FAF1: variants seen among roughly 807,000 people sequenced by gnomAD.
The protein encoded by FAF1 is FAS-associated factor 1.
In FAF1, 25 loss-of-function variants were observed where a neutral mutation model predicts 92.5. The observed-to-expected ratio is 0.27, with a 90% CI of 0.20 to 0.38. FAF1 has a LOEUF of 0.38. Among genes scored for constraint, FAF1 ranks in the 10% least tolerant of loss-of-function variants. FAF1 has a pLI of 1.00. For synonymous variants in FAF1, 234 were observed against 273.2 expected, an observed-to-expected ratio of 0.86 and a Z score of 1.42; for missense variants, 636 against 793.3, an observed-to-expected ratio of 0.80 and a Z score of 2.38.
At chr1:50,594,104 G>A (rs1651668883) in intron 9 of FAF1, among the ~76,000 whole-genome samples, 1 of 151,992 alleles carries the variant, frequency 6.6e-6, no homozygotes, top group Non-Finnish European at 1.5e-5. Flanking sequence ...TTTGAGGTCA[G>A]GAGTTCAAGA....
chr1:50,866,076 TAAAC>T (rs1316967316), intron 1 of FAF1, among the ~76,000 whole-genome samples: 1 of 151,944 alleles, frequency 6.6e-6, no homozygotes, highest in East Asian at 1.9e-4. Flanking sequence ...ATACACCACA[TAAAC>T]AAAATTAAAA....
At chr1:50,717,819 T>G (rs757212464) in intron 6 of FAF1, among the ~76,000 whole-genome samples, 1 of 152,126 alleles carries the variant, frequency 6.6e-6, no homozygotes, top group African/African-American at 2.4e-5. Context: ...CTGCGCAACA[T>G]AGCAAGACCT....
chr1:50,921,773 C>T (rs950382420), intron 1 of FAF1, among the ~76,000 whole-genome samples: 1 of 151,576 alleles, frequency 6.6e-6, no homozygotes, highest in Non-Finnish European at 1.5e-5. Context: ...AGAGCAAAGA[C>T]CTTGTTTCAA....
rs1356968118 is a variant in FAF1 at position 50,438,282 on chromosome 1, CAG to C, written c.*3156_*3157del. 2 of 152,134 alleles carry C rather than the reference CAG, an allele frequency of 1.3e-5. No individual in the cohort carries two copies. The highest frequency in any genetic ancestry group is 4.8e-5 in the African/African-American group (2 of 41,412). The allele number at this position is 152,134 out of a possible 1,614,324, so 9.4% of individuals were successfully genotyped here. On this transcript the variant is annotated 3_prime_UTR_variant, in exon 19 of 19. Coordinates refer to ENST00000396153, the MANE Select transcript of FAF1 (RefSeq NM_007051.3). ...AGAATGTTGTAAGGACACTGAGGTT[CAG>C]AGAGGTTACTTACCTTAAGGTCACG...
At chr1:50,836,175 T>TTTGTTTTTTTG (rs1462069811) in intron 2 of FAF1, among the ~76,000 whole-genome samples, 4 of 139,842 alleles carry the variant, frequency 2.9e-5, no homozygotes, top group South Asian at 2.3e-4. Flanking sequence ...TTTCTGTTTT[T>TTTGTTTTTTTG]TTTTTTTTTT....
chr1:50,959,892 ACCG>A lies in FAF1; in HGVS notation c.-84_-82del, dbSNP rs532415159. 0.067 allele frequency: 60,816 copies of A among 907,122 alleles called. 3,041 individuals carry two copies. The highest frequency in any genetic ancestry group is 0.076 in the Non-Finnish European group (53,663 of 702,996). The allele number at this position is 907,122 out of a possible 1,614,324, so 56.2% of individuals were successfully genotyped here. On this transcript the variant is annotated 5_prime_UTR_variant, in exon 1 of 19. Transcript: ENST00000396153. Reference sequence around the variant, plus strand: ...GGCACCTCCTGCGACCGTCGCCGCCACCGCCGCCGCCGCCGCCGGGCGCCGAGG... The same window carrying A: ...GGCACCTCCTGCGACCGTCGCCGCCACCGCCGCCGCCGCCGGGCGCCGAGG...
At chr1:50,442,536 C>G (rs1646181490) in intron 18 of FAF1, among the ~76,000 whole-genome samples, 1 of 152,194 alleles carries the variant, frequency 6.6e-6, no homozygotes, top group South Asian at 2.1e-4. Flanking sequence ...ATGGTGGACA[C>G]ACAGATAAAT....
chr1:50,629,264 C>T lies in FAF1; in HGVS notation c.744+26178G>A, dbSNP rs577750823. Among the ~76,000 whole-genome samples, 361 of 151,330 alleles carry T rather than the reference C, an allele frequency of 2.4e-3. 1 individual carries two copies. The highest frequency in any genetic ancestry group is 8.3e-3 in the African/African-American group (344 of 41,248). On this transcript the variant is annotated intron_variant, in intron 8 of 18. Coordinates refer to ENST00000396153, the MANE Select transcript of FAF1 (RefSeq NM_007051.3). ...GGCTCACTGCAACCTCCGCCTCCCG[C>T]GTTCAAGTGATTATCCTGTCTCAGC...
At chr1:50,711,808 A>G (rs1309412943) in intron 6 of FAF1, among the ~76,000 whole-genome samples, 1 of 152,100 alleles carries the variant, frequency 6.6e-6, no homozygotes, top group East Asian at 1.9e-4. Context: ...ATTCTACCAC[A>G]TTCGTGCTCC....
intron 1 of FAF1, among the ~76,000 whole-genome samples, chr1:50,869,603 A>G (rs1320491966): frequency 6.6e-6 from 1 of 152,132 alleles, no homozygotes; most frequent in East Asian, 1.9e-4. Context: ...GGTGCATCTC[A>G]TTCTAGCCTC....
chr1:50,551,431 G>C (rs758946067), intron 13 of FAF1, among the ~76,000 whole-genome samples: 1 of 152,144 alleles, frequency 6.6e-6, no homozygotes, highest in Non-Finnish European at 1.5e-5. Context: ...TAATGATAAT[G>C]AAGTAACTAT....
At chr1:50,884,392 G>T (rs1201806837) in intron 1 of FAF1, among the ~76,000 whole-genome samples, 1 of 151,708 alleles carries the variant, frequency 6.6e-6, no homozygotes, top group Non-Finnish European at 1.5e-5. Context: ...GCCGGGCATG[G>T]TGATATGCAC....
At chr1:50,889,990 G>A (rs545012489) in intron 1 of FAF1, among the ~76,000 whole-genome samples, 401 of 152,294 alleles carry the variant, frequency 2.6e-3, no homozygotes, top group African/African-American at 9.2e-3. Context: ...TTATTATTGT[G>A]TGGGAGTCTA....
At chr1:50,692,390 A>G (rs1226438923) in intron 7 of FAF1, among the ~76,000 whole-genome samples, 1 of 151,898 alleles carries the variant, frequency 6.6e-6, no homozygotes, top group African/African-American at 2.4e-5. Context: ...ATTAAAATTT[A>G]TTCCTCCTGT....
chr1:50,865,945 A>C (rs913754243), intron 1 of FAF1, among the ~76,000 whole-genome samples: 5 of 152,068 alleles, frequency 3.3e-5, no homozygotes, highest in Admixed American at 2.6e-4. Context: ...ATGAAAGGGG[A>C]GATACTACAA....
rs79248756 is a variant in FAF1, at chr1:50,644,933, C to T, written c.744+10509G>A. On this transcript the variant is annotated intron_variant, in intron 8 of 18. Coordinates refer to ENST00000396153, the MANE Select transcript of FAF1 (RefSeq NM_007051.3). ...TGTGTTCTTCTTCATATTTACTGAGCAAACATTTCCCTTGAGTGCTTCATC... is the reference window on the plus strand; with the variant it reads ...TGTGTTCTTCTTCATATTTACTGAGTAAACATTTCCCTTGAGTGCTTCATC... Among the ~76,000 whole-genome samples, 296 of 152,328 alleles carry T rather than the reference C, an allele frequency of 1.9e-3. 2 individuals are homozygous for T. The highest frequency in any genetic ancestry group is 6.7e-3 in the African/African-American group (278 of 41,572).
At position 50,738,959 on chromosome 1, in the gene FAF1, A is replaced by G; in HGVS notation, c.460-5T>C. On this transcript the variant is annotated splice_region_variant and splice_polypyrimidine_tract_variant and intron_variant, in intron 5 of 18. Transcript: ENST00000396153. ...GTGTAGAGATTTTAGGACCGTCTGA[A>G]AAAGAAAAAACACAGCAAAAAATGA... The G allele has an allele frequency of 6.4e-7, 1 of 1,553,930 alleles. No homozygotes were observed. Among genetic ancestry groups the G allele is most frequent in the Non-Finnish European group, 8.8e-7 (1 of 1,138,634 alleles).
intron 1 of FAF1, among the ~76,000 whole-genome samples, chr1:50,948,853 G>A (rs190505931): frequency 5.3e-5 from 8 of 152,190 alleles, no homozygotes; most frequent in Admixed American, 2.0e-4. Flanking sequence ...CAGATCTCAC[G>A]TGAACTAACT....
chr1:50,666,210 G>A (rs774534242), intron 7 of FAF1, among the ~76,000 whole-genome samples: 3 of 151,664 alleles, frequency 2.0e-5, no homozygotes, highest in Non-Finnish European at 2.9e-5. Context: ...AACCGCGCCC[G>A]GCTGGACACT....
Sources: allele counts gnomAD v4.1 joint callset (sites outside exome capture counted in the v4.1 genomes callset), GRCh38; gene constraint gnomAD v4.1.1; transcripts MANE v1.5; gene names NCBI Gene and HGNC (gene_info 2026-07-23, HGNC 2026-07-21).